Variants in KLHL13 observed in about 807,000 individuals in gnomAD.
The protein encoded by KLHL13 is kelch-like protein 13.
A neutral mutation model predicts 37.1 loss-of-function variants in KLHL13; 10 were observed. The observed-to-expected ratio is 0.27, with a 90% CI of 0.17 to 0.46. The LOEUF (loss-of-function observed/expected upper bound fraction) is 0.46, where lower values mean the gene tolerates loss of function less well. Among genes scored for constraint, KLHL13 ranks in the 20% least tolerant of loss-of-function variants. The probability of loss-of-function intolerance (pLI) is 1.00; values close to 1 mark genes in which losing one functional copy is unlikely to be tolerated. For synonymous variants in KLHL13, 163 were observed against 181.2 expected (o/e 0.90, Z 0.81); for missense variants, 360 against 509.3 (o/e 0.71, Z 2.82).
At chrX:117,977,946 C>A (rs1181506231), upstream of KLHL13, among the ~76,000 whole-genome samples, 1 of 111,905 alleles carries the variant, frequency 8.9e-6, no homozygotes, top group African/African-American at 3.2e-5. Context: ...ACTATATATT[C>A]GTGCATGTGT....
intron 1 of KLHL13, chrX:117,983,379 ACTTGATAACTGT>A: frequency 4.3e-6 from 2 of 466,897 alleles, no homozygotes; most frequent in Non-Finnish European, 7.0e-6. Flanking sequence ...CTGTAACTAT[ACTTGATAACTGT>A]CTTCTAGTAT....
At chrX:118,072,033 G>C in intron 1 of KLHL13, among the ~76,000 whole-genome samples, 1 of 109,820 alleles carries the variant, frequency 9.1e-6, no homozygotes, top group Non-Finnish European at 1.9e-5. Context: ...TCAATCCTAA[G>C]CCAAAAGAAC....
chrX:117,946,129 T>C (rs1933306700), intron 1 of KLHL13: 1 of 111,641 alleles, frequency 9.0e-6, no homozygotes, highest in African/African-American at 3.3e-5. Context: ...GATTAATTGT[T>C]ATATATTAAT....
intron 1 of KLHL13, among the ~76,000 whole-genome samples, chrX:117,948,709 C>T (rs1933442279): frequency 9.0e-6 from 1 of 111,623 alleles, no homozygotes; most frequent in South Asian, 3.8e-4. Flanking sequence ...CCACCCCCCG[C>T]CTACCCAATC....
At chrX:118,103,595 G>A (rs1374314847) in intron 1 of KLHL13, among the ~76,000 whole-genome samples, 3 of 111,836 alleles carry the variant, frequency 2.7e-5, no homozygotes. Context: ...CATTTTAAAA[G>A]ACACCTATGT....
At chrX:118,014,601 A>C (rs773132247) in intron 1 of KLHL13, among the ~76,000 whole-genome samples, 1 of 112,439 alleles carries the variant, frequency 8.9e-6, no homozygotes, top group Non-Finnish European at 1.9e-5. Flanking sequence ...CTCCCCTTTT[A>C]GAATCCCTAA....
At chrX:117,936,305 A>G (rs147645056) in intron 2 of KLHL13, among the ~76,000 whole-genome samples, 83 of 111,489 alleles carry the variant, frequency 7.4e-4, no homozygotes, top group Non-Finnish European at 1.2e-3. Flanking sequence ...GAACTTGTTC[A>G]AGATTCTAGG....
chrX:118,071,084 A>T (rs1490714185), intron 1 of KLHL13, among the ~76,000 whole-genome samples: 3 of 111,407 alleles, frequency 2.7e-5, no homozygotes, highest in Non-Finnish European at 3.8e-5. Flanking sequence ...AAGGACATGA[A>T]CTCATCATTT....
intron 1 of KLHL13, among the ~76,000 whole-genome samples, chrX:117,965,606 G>A (rs1221379177): frequency 9.0e-6 from 1 of 111,093 alleles, no homozygotes; most frequent in Non-Finnish European, 1.9e-5. Context: ...AACAGAAAAA[G>A]AGAATTTTAG....
chrX:118,042,180 G>A (rs747382084), intron 1 of KLHL13, among the ~76,000 whole-genome samples: 6 of 111,345 alleles, frequency 5.4e-5, no homozygotes, highest in Non-Finnish European at 1.1e-4. Context: ...ATATGCACCC[G>A]ACACTGGAGC....
intron 1 of KLHL13, among the ~76,000 whole-genome samples, chrX:117,952,372 T>A (rs1346558341): frequency 1.8e-5 from 2 of 109,642 alleles, no homozygotes; most frequent in Non-Finnish European, 3.8e-5. Flanking sequence ...TGAAACTGGA[T>A]CCCTTCCTTA....
intron 1 of KLHL13, among the ~76,000 whole-genome samples, chrX:117,992,872 A>T (rs1157545830): frequency 8.9e-6 from 1 of 112,010 alleles, no homozygotes; most frequent in Non-Finnish European, 1.9e-5. Context: ...AGCTTTCTAC[A>T]GGCAGAGCCC....
rs1027304816 is a variant in KLHL13, at chrX:118,087,923, C to T, written c.-56+28585G>A. On this transcript the variant is annotated intron_variant, in intron 1 of 6. Transcript: ENST00000371882. ...TCTTAACATTACTGGGCTTCAGTTT[C>T]CTCATCTATAAACTCAGAGGGCTGA... 3.6e-5 allele frequency among the ~76,000 whole-genome samples: 4 copies of T among 111,723 alleles called. No homozygotes were observed. In the Admixed American group the frequency reaches 3.8e-4, roughly 11 times the overall value.
At chrX:118,018,983 A>T (rs1341844611) in intron 1 of KLHL13, among the ~76,000 whole-genome samples, 1 of 111,532 alleles carries the variant, frequency 9.0e-6, no homozygotes, top group Admixed American at 9.6e-5. Context: ...TGGTACACAT[A>T]GACAGAGTGA....
intron 1 of KLHL13, among the ~76,000 whole-genome samples, chrX:118,080,974 G>A (rs2497847): frequency 0.021 from 2,319 of 111,738 alleles, 75 homozygotes; most frequent in African/African-American, 0.07. Flanking sequence ...CATAGATGCA[G>A]CTAGACGCCA....
intron 1 of KLHL13, among the ~76,000 whole-genome samples, chrX:118,019,973 T>C (rs1264324934): frequency 2.8e-5 from 3 of 108,061 alleles, no homozygotes; most frequent in South Asian, 4.1e-4. Flanking sequence ...CTTGGTGATG[T>C]GGGCTCTTTT....
chrX:118,096,924 T>G (rs1358058758), intron 1 of KLHL13, among the ~76,000 whole-genome samples: 1 of 111,401 alleles, frequency 9.0e-6, no homozygotes, highest in African/African-American at 3.3e-5. Flanking sequence ...TGATGGGACG[T>G]ATCTCAAAAT....
intron 1 of KLHL13, among the ~76,000 whole-genome samples, chrX:118,114,009 T>C (rs2055440214): frequency 8.9e-6 from 1 of 112,571 alleles, no homozygotes; most frequent in African/African-American, 3.2e-5. Flanking sequence ...TGAGATATTT[T>C]CTCTAGGGCT....
At chrX:118,093,548 T>A (rs1463191413) in intron 1 of KLHL13, among the ~76,000 whole-genome samples, 1 of 112,006 alleles carries the variant, frequency 8.9e-6, no homozygotes, top group Non-Finnish European at 1.9e-5. Flanking sequence ...ACACAGGATG[T>A]GTGCTGATGT....
Sources: allele counts gnomAD v4.1 joint callset (sites outside exome capture counted in the v4.1 genomes callset), GRCh38; gene constraint gnomAD v4.1.1; transcripts MANE v1.5; gene names NCBI Gene and HGNC (gene_info 2026-07-23, HGNC 2026-07-21).